Variants in PTPRN2 observed in about 807,000 individuals in gnomAD.
PTPRN2 encodes protein tyrosine phosphatase receptor type N2.
PTPRN2 carries 74 observed loss-of-function variants against 118.8 expected under a neutral mutation model. That is an observed-to-expected ratio of 0.62 (90% CI 0.52 to 0.76). The LOEUF is 0.76. Among genes scored for constraint, PTPRN2 ranks in the 30% least tolerant of loss-of-function variants. The probability of loss-of-function intolerance (pLI) is 0.00; values close to 1 mark genes in which losing one functional copy is unlikely to be tolerated. For missense variants in PTPRN2, 1,481 were observed against 1,394.4 expected, an observed-to-expected ratio of 1.06 and a Z score of -0.99; for synonymous variants, 641 against 608.0, an observed-to-expected ratio of 1.05 and a Z score of -0.80.
At chr7:157,742,293 T>C (rs1800679555) in intron 12 of PTPRN2, among the ~76,000 whole-genome samples, 1 of 152,200 alleles carries the variant, frequency 6.6e-6, no homozygotes, top group African/African-American at 2.4e-5. Context: ...TTTAAACAGG[T>C]GACTGGGGTA....
At chr7:157,927,151 G>A (rs34718335) in intron 11 of PTPRN2, among the ~76,000 whole-genome samples, 8,058 of 81,006 alleles carry the variant, frequency 0.099, 942 homozygotes, top group Non-Finnish European at 0.16. Context: ...CCGAAGACAG[G>A]AAGCCCCAGG....
At chr7:158,467,043 T>A (rs1174546285) in intron 2 of PTPRN2, among the ~76,000 whole-genome samples, 2 of 152,170 alleles carry the variant, frequency 1.3e-5, no homozygotes, top group Non-Finnish European at 2.9e-5. Flanking sequence ...AGCATCCAAG[T>A]GTCCCTTTTC....
At chr7:157,554,049 G>T (rs4716485) in intron 21 of PTPRN2, among the ~76,000 whole-genome samples, 17 of 88,866 alleles carry the variant, frequency 1.9e-4, no homozygotes, top group African/African-American at 5.3e-4. Flanking sequence ...CTGCCCGCTC[G>T]CGTGCCCTCC....
chr7:158,150,946 A>T (rs533306085), intron 6 of PTPRN2, among the ~76,000 whole-genome samples: 1 of 151,840 alleles, frequency 6.6e-6, no homozygotes. Flanking sequence ...GGGAAATATT[A>T]TTCTGTGCAT....
chr7:158,558,999 T>C (rs1254995831), intron 1 of PTPRN2, among the ~76,000 whole-genome samples: 1 of 151,956 alleles, frequency 6.6e-6, no homozygotes, highest in Non-Finnish European at 1.5e-5. Flanking sequence ...GGGGCCACAC[T>C]GGGGGGTCCA....
chr7:158,047,813 C>T (rs1450508235), intron 11 of PTPRN2, among the ~76,000 whole-genome samples: 1 of 152,254 alleles, frequency 6.6e-6, no homozygotes. Flanking sequence ...GAGCAACATG[C>T]AGCCAGTCTT....
chr7:158,159,775 C>T (rs761325662), intron 6 of PTPRN2, among the ~76,000 whole-genome samples: 1 of 151,914 alleles, frequency 6.6e-6, no homozygotes, highest in Non-Finnish European at 1.5e-5. Context: ...ACACAAGTAC[C>T]GTATCTATAT....
At chr7:158,370,961 G>A (rs556721709) in intron 2 of PTPRN2, among the ~76,000 whole-genome samples, 17 of 152,048 alleles carry the variant, frequency 1.1e-4, no homozygotes, top group Admixed American at 2.0e-4. Flanking sequence ...AGAATCAAAC[G>A]AACTATCACA....
At chr7:158,418,368 T>G (rs1244584025) in intron 2 of PTPRN2, among the ~76,000 whole-genome samples, 1 of 150,740 alleles carries the variant, frequency 6.6e-6, no homozygotes, top group African/African-American at 2.5e-5. Context: ...TAAGTCATGG[T>G]GAACTACATC....
chr7:158,523,604 CAGAGTCTGCCCT>C (rs1824445761), intron 1 of PTPRN2, among the ~76,000 whole-genome samples: 5 of 100,494 alleles, frequency 5.0e-5, no homozygotes, highest in African/African-American at 1.6e-4. Context: ...TGCCCTGGAG[CAGAGTCTGCCCT>C]GGAGTGGAGT....
At chr7:158,133,276 C>T (rs973200605) in intron 9 of PTPRN2, among the ~76,000 whole-genome samples, 35 of 152,338 alleles carry the variant, frequency 2.3e-4, no homozygotes, top group Admixed American at 6.5e-4. Context: ...CATTCCCGCG[C>T]GGGCCGTGCT....
chr7:157,949,181 T>C (rs1800665991), intron 11 of PTPRN2, among the ~76,000 whole-genome samples: 1 of 152,220 alleles, frequency 6.6e-6, no homozygotes, highest in African/African-American at 2.4e-5. Flanking sequence ...AAGGGATATA[T>C]GCTGTCGGTT....
chr7:158,527,458 C>T (rs143931668), intron 1 of PTPRN2, among the ~76,000 whole-genome samples: 48 of 152,346 alleles, frequency 3.2e-4, no homozygotes, highest in Non-Finnish European at 5.0e-4. Flanking sequence ...CATGTCTGAC[C>T]TCCTGCTTCA....
intron 11 of PTPRN2, among the ~76,000 whole-genome samples, chr7:157,949,600 C>G (rs917361053): frequency 5.9e-5 from 9 of 152,192 alleles, no homozygotes; most frequent in South Asian, 4.1e-4. Context: ...ACAGCCTGCC[C>G]AGGCCATCTC....
chr7:157,698,082 G>A (rs1299801787), intron 12 of PTPRN2, among the ~76,000 whole-genome samples: 1 of 152,240 alleles, frequency 6.6e-6, no homozygotes, highest in Non-Finnish European at 1.5e-5. Context: ...GAACTGGGAA[G>A]ATTTTTAAGA....
intron 11 of PTPRN2, among the ~76,000 whole-genome samples, chr7:158,049,491 TC>T (rs1184400017): frequency 2.6e-5 from 4 of 152,172 alleles, no homozygotes; most frequent in Admixed American, 2.6e-4. Context: ...CAGGACTCAC[TC>T]TTTCGGACTG....
chr7:158,232,452 A>G (rs1413685866), intron 3 of PTPRN2, among the ~76,000 whole-genome samples: 2 of 152,120 alleles, frequency 1.3e-5, no homozygotes, highest in Non-Finnish European at 2.9e-5. Context: ...AAGCCATAAT[A>G]AAAAAATTTA....
At chr7:158,321,530 A>G (rs1302547232) in intron 2 of PTPRN2, among the ~76,000 whole-genome samples, 1 of 152,210 alleles carries the variant, frequency 6.6e-6, no homozygotes, top group African/African-American at 2.4e-5. Context: ...CTGGAAGTGC[A>G]TCACCGCACC....
intron 6 of PTPRN2, among the ~76,000 whole-genome samples, chr7:158,152,173 C>CAAAAAAAAA (rs56870265): frequency 1.3e-4 from 11 of 83,332 alleles, no homozygotes; most frequent in Non-Finnish European, 1.7e-4. Context: ...GACTCTGTCT[C>CAAAAAAAAA]AAAAAAAAAA....
Sources: allele counts gnomAD v4.1 joint callset (sites outside exome capture counted in the v4.1 genomes callset), GRCh38; gene constraint gnomAD v4.1.1; transcripts MANE v1.5; gene names NCBI Gene and HGNC (gene_info 2026-07-23, HGNC 2026-07-21).